The following ATP7B variants were observed in gnomAD, a reference collection of about 807,000 sequenced individuals.
ATP7B encodes the protein copper-transporting ATPase 2.
Under a neutral mutation model 118.9 loss-of-function variants are expected in ATP7B, and 113 were observed. That is an observed-to-expected ratio of 0.95 (90% CI 0.82 to 1.11). ATP7B has a LOEUF of 1.11. Among genes scored for constraint, ATP7B ranks in the 50% most tolerant of loss-of-function variants. The probability of loss-of-function intolerance (pLI) is 0.00; values close to 1 mark genes in which losing one functional copy is unlikely to be tolerated. For missense variants in ATP7B, 1,867 were observed against 1,871.4 expected (o/e 1.00, Z 0.04); for synonymous variants, 777 against 727.4 (o/e 1.07, Z -1.10).
intron 1 of ATP7B, among the ~76,000 whole-genome samples, chr13:51,984,961 A>C (rs764076705): frequency 1.4e-4 from 21 of 152,206 alleles, no homozygotes; most frequent in Non-Finnish European, 2.6e-4. Flanking sequence ...CACTGCAAAA[A>C]CATACCAAAT....
intron 12 of ATP7B, 69 bp from the exon 13 acceptor site, chr13:51,946,547 T>C (rs373694629): frequency 5.1e-6 from 8 of 1,564,156 alleles, no homozygotes; most frequent in East Asian, 4.5e-5. Context: ...TCTAATCACA[T>C]AAGGACATTT....
At chr13:52,008,198 G>A (rs1211710316) in intron 1 of ATP7B, among the ~76,000 whole-genome samples, 1 of 152,116 alleles carries the variant, frequency 6.6e-6, no homozygotes, top group Non-Finnish European at 1.5e-5. Flanking sequence ...AAATTAGCTG[G>A]GTGTGGTGGC....
chr13:51,986,038 G>A (rs1566633776), intron 1 of ATP7B, among the ~76,000 whole-genome samples: 1 of 152,126 alleles, frequency 6.6e-6, no homozygotes, highest in Non-Finnish European at 1.5e-5. Context: ...TCAAACGCTA[G>A]CAGAAGACAA....
At chr13:51,992,493 T>C (rs548218206) in intron 1 of ATP7B, among the ~76,000 whole-genome samples, 2 of 152,204 alleles carry the variant, frequency 1.3e-5, no homozygotes, top group Admixed American at 6.5e-5. Context: ...GTTCCTACCA[T>C]ATACCAAGTG....
At chr13:51,935,475 C>T (rs1956903302) in intron 20 of ATP7B, 118 bp downstream of exon 20, 1 of 1,149,530 alleles carries the variant, frequency 8.7e-7, no homozygotes. Context: ...GCTGCCACTG[C>T]AGCATTTGTC....
At chr13:52,000,648 C>A (rs150495893) in intron 1 of ATP7B, among the ~76,000 whole-genome samples, 99 of 152,320 alleles carry the variant, frequency 6.5e-4, no homozygotes, top group Non-Finnish European at 1.2e-3. Flanking sequence ...CCCTGCTGCT[C>A]CCACAGTCTT....
In ATP7B at chr13:52,006,551, A is replaced by T. The variant is rs114246082; in HGVS notation, c.51+4736T>A. ...TCAGCCACCTTTGGTCTGGATGGGG[A>T]CGATCATTTCCAACAGTCTCTAGCT... On this transcript the variant is annotated intron_variant, in intron 1 of 20. Transcript: ENST00000242839. Among the ~76,000 whole-genome samples, 609 of 152,238 alleles carry T rather than the reference A, an allele frequency of 4.0e-3. 3 individuals carry two copies. The highest frequency in any genetic ancestry group is 0.013 in the African/African-American group (548 of 41,510).
intron 12 of ATP7B, among the ~76,000 whole-genome samples, 173 bp downstream of exon 12, chr13:51,949,489 A>G (rs1957860926): frequency 6.6e-6 from 1 of 152,236 alleles, no homozygotes; most frequent in Non-Finnish European, 1.5e-5. Flanking sequence ...CTGCAGAAGG[A>G]GAGTGACTGT....
chr13:51,941,597 G>A (rs1957338129), intron 15 of ATP7B, among the ~76,000 whole-genome samples: 1 of 152,184 alleles, frequency 6.6e-6, no homozygotes, highest in South Asian at 2.1e-4. Flanking sequence ...ATTCATTACT[G>A]CTTGGTATCA....
chr13:51,983,678 G>A (rs566652734), intron 1 of ATP7B, among the ~76,000 whole-genome samples: 20 of 152,240 alleles, frequency 1.3e-4, no homozygotes, highest in African/African-American at 4.6e-4. Flanking sequence ...CTGGCATCTG[G>A]CAGGTGCCCC....
intron 13 of ATP7B, 65 bp downstream of exon 13, chr13:51,946,219 T>C: frequency 2.6e-6 from 4 of 1,531,390 alleles, no homozygotes; most frequent in South Asian, 1.2e-5. Flanking sequence ...TTTCTCTCAA[T>C]GTGAAATAGT....
intron 1 of ATP7B, among the ~76,000 whole-genome samples, chr13:51,999,453 G>A (rs1394190198): frequency 1.3e-5 from 2 of 152,164 alleles, no homozygotes; most frequent in Non-Finnish European, 1.5e-5. Context: ...CTGAAGGAGT[G>A]CTCTTAAATA....
chr13:52,011,461 C>T (rs1954034584), upstream of ATP7B: 1 of 1,274,250 alleles, frequency 7.8e-7, no homozygotes, highest in Non-Finnish European at 1.1e-6. Flanking sequence ...GGCATCGGCG[C>T]GGCTCGGCTC....
chr13:51,949,620 T>A (rs979839577), intron 12 of ATP7B, 42 bp downstream of exon 12: 1 of 1,607,406 alleles, frequency 6.2e-7, no homozygotes, highest in African/African-American at 1.3e-5. Context: ...CAGTAGATTA[T>A]TTAAAACACA....
At chr13:51,973,874 G>C in intron 2 of ATP7B, 61 bp downstream of exon 2, 1 of 1,610,050 alleles carries the variant, frequency 6.2e-7, no homozygotes, top group Non-Finnish European at 8.5e-7. Context: ...CCATCCAGGA[G>C]CTATAAGACA....
chr13:51,951,129 C>T (rs1205097690), intron 9 of ATP7B, among the ~76,000 whole-genome samples: 1 of 151,972 alleles, frequency 6.6e-6, no homozygotes, highest in African/African-American at 2.4e-5. Context: ...GGGGGAGAGT[C>T]AGGCTGTTGC....
Position 52,011,328 on chromosome 13 carries a change from G to C in ATP7B, c.10C>G (p.Gln4Glu), listed in dbSNP as rs1213833059. 5 of 1,614,230 alleles carry C rather than the reference G, an allele frequency of 3.1e-6. No homozygotes were observed. The highest frequency in any genetic ancestry group is 4.2e-6 in the Non-Finnish European group (5 of 1,180,024). The change falls in exon 1 of 21, where the codon CAG becomes GAG. Residue 4 changes from glutamine (Q) to glutamate (E), a missense_variant. Gln to Glu is a conservative substitution (Grantham distance 29). Transcript: ENST00000242839. Reference sequence around the variant, plus strand: ...TCTCTGGCTGTGATCTGTCTCTCCTGCTCAGGCATCGTCCCGCACGGACAC... The same window carrying C: ...TCTCTGGCTGTGATCTGTCTCTCCTCCTCAGGCATCGTCCCGCACGGACAC... Reference protein sequence around the residue: MPEQERQITAREGA... With the variant: MPEEERQITAREGA...
chr13:51,995,281 C>T (rs1008509741), intron 1 of ATP7B: 1 of 984,846 alleles, frequency 1.0e-6, no homozygotes, highest in Non-Finnish European at 1.2e-6. Flanking sequence ...CAGGCCCTTC[C>T]AGGCTTTTTA....
rs374693153 is a variant in ATP7B, at chr13:51,934,913, G to T, written c.4241C>A (p.Pro1414His). 2.5e-6 allele frequency: 4 copies of T among 1,613,996 alleles called. No individual in the cohort carries two copies. The African/African-American group carries it at 4.0e-5, about 16-fold the overall frequency. Reference protein sequence around the residue: ...IGMDDRWRDSPRATPWDQVSY... With the variant: ...IGMDDRWRDSHRATPWDQVSY... ...GACCTGGTCCCATGGTGTGGCCCTG[G>T]GGGAGTCCCGCCACCTGTCATCCAT... The change falls in exon 21 of 21, where the codon CCC becomes CAC. Residue 1414 changes from proline (P) to histidine (H), a missense_variant. Coordinates refer to ENST00000242839, the MANE Select transcript of ATP7B (RefSeq NM_000053.4).
Sources: allele counts gnomAD v4.1 joint callset (sites outside exome capture counted in the v4.1 genomes callset), GRCh38; gene constraint gnomAD v4.1.1; transcripts MANE v1.5; gene names NCBI Gene and HGNC (gene_info 2026-07-23, HGNC 2026-07-21).